The following TANC1 variants were observed in gnomAD, a reference collection of about 807,000 sequenced individuals.
TANC1 encodes the protein tetratricopeptide repeat, ankyrin repeat and coiled-coil containing 1.
Under a neutral mutation model 149.7 loss-of-function variants are expected in TANC1, and 77 were observed. The observed-to-expected ratio is 0.51, with a 90% confidence interval of 0.43 to 0.62. The LOEUF (loss-of-function observed/expected upper bound fraction) is 0.62. Among genes scored for constraint, TANC1 ranks in the 20% least tolerant of loss-of-function variants. The pLI, the probability that TANC1 is intolerant of heterozygous loss-of-function variation, is 0.00. For missense variants in TANC1, 1,985 were observed against 2,321.8 expected (o/e 0.85, Z 2.98); for synonymous variants, 854 against 925.0 (o/e 0.92, Z 1.39).
rs374765619 is a variant in TANC1, at chr2:159,172,155, G to A, written c.1386G>A (p.Pro462=). The part of the protein sequence containing the change: ...SDPTQDLHFT[P]LLSPSSSTSA... The stretch of plus-strand genomic sequence containing the variant: ...CCACTCAGGATCTTCATTTCACTCC[G>A]TTGCTTTCACCGAGTTCTTCCACAA... Residue 462 remains proline, a synonymous_variant, in exon 11 of 27, where the codon CCG becomes CCA. Coordinates refer to ENST00000263635, the MANE Select transcript of TANC1 (RefSeq NM_033394.3). The A allele has an allele frequency of 1.7e-5, 27 of 1,613,946 alleles. 2 individuals are homozygous for A. Among genetic ancestry groups the A allele is most frequent in the South Asian group, 1.1e-4 (10 of 91,074 alleles).
intron 3 of TANC1, 127 bp from the exon 4 acceptor site, chr2:159,097,510 A>T (rs2046258967): frequency 5.3e-6 from 4 of 748,780 alleles, no homozygotes; most frequent in African/African-American, 3.5e-5. Context: ...AAAGTCATTT[A>T]AAAAAATTCA....
At chr2:158,995,725 C>T (rs1465403269) in intron 1 of TANC1, among the ~76,000 whole-genome samples, 1 of 152,226 alleles carries the variant, frequency 6.6e-6, no homozygotes, top group Non-Finnish European at 1.5e-5. Context: ...CTACATTTCT[C>T]AGGATGCTTC....
chr2:159,045,974 A>G (rs1268878166), intron 2 of TANC1, among the ~76,000 whole-genome samples: 1 of 152,246 alleles, frequency 6.6e-6, no homozygotes, highest in East Asian at 1.9e-4. Context: ...GCATTTTACA[A>G]TAGATTTGCG....
At chr2:159,038,003 C>T (rs960526884) in intron 2 of TANC1, among the ~76,000 whole-genome samples, 9 of 152,180 alleles carry the variant, frequency 5.9e-5, no homozygotes, top group Non-Finnish European at 1.2e-4. Context: ...AATGTTCTTC[C>T]ATTTGTTTGT....
At chr2:159,149,339 C>T (rs747458984) in intron 6 of TANC1, 67 bp downstream of exon 6, 17 of 1,602,674 alleles carry the variant, frequency 1.1e-5, no homozygotes, top group Non-Finnish European at 1.4e-5. Context: ...TAACCATCTT[C>T]TCCCTTTCCT....
At chr2:159,153,506 G>A (rs563465021) in intron 7 of TANC1, among the ~76,000 whole-genome samples, 1 of 152,336 alleles carries the variant, frequency 6.6e-6, no homozygotes, top group South Asian at 2.1e-4. Flanking sequence ...ATGAGAGGGA[G>A]GCACTGCTGT....
chr2:159,118,967 A>T (rs2048574025), intron 4 of TANC1, among the ~76,000 whole-genome samples: 1 of 152,152 alleles, frequency 6.6e-6, no homozygotes, highest in African/African-American at 2.4e-5. Flanking sequence ...AAAGTAAAAA[A>T]TCTCTGTAGT....
chr2:159,084,305 C>A lies in TANC1; in HGVS notation c.62-13332C>A, dbSNP rs77688298. ...TTCTTCGTCACTCCTAGCTCCCCCC[C>A]CAATACAGGCCTGGGAAAGACCTTG... On this transcript the variant is annotated intron_variant, in intron 3 of 26. Transcript: ENST00000263635. 6.5e-3 allele frequency among the ~76,000 whole-genome samples: 993 copies of A among 152,170 alleles called. 8 individuals carry two copies. Among genetic ancestry groups the A allele is most frequent in the African/African-American group, 0.012 (482 of 41,512 alleles).
chr2:159,193,394 G>A (rs1293351962), intron 16 of TANC1, among the ~76,000 whole-genome samples: 1 of 152,170 alleles, frequency 6.6e-6, no homozygotes, highest in Non-Finnish European at 1.5e-5. Context: ...TCTACCTGTT[G>A]GCTGTTGTGA....
chr2:159,173,712 G>T (rs1476674532), intron 11 of TANC1, among the ~76,000 whole-genome samples: 1 of 152,216 alleles, frequency 6.6e-6, no homozygotes, highest in Non-Finnish European at 1.5e-5. Flanking sequence ...TCTCATGATG[G>T]TTTGCACAAG....
At chr2:159,136,788 C>A (rs901822097) in intron 5 of TANC1, among the ~76,000 whole-genome samples, 1,144 of 118,918 alleles carry the variant, frequency 9.6e-3, no homozygotes, top group African/African-American at 0.015. Context: ...GAAGTAGGAG[C>A]AAAAAAAAAA....
At chr2:158,998,999 G>A (rs1034843839) in intron 1 of TANC1, among the ~76,000 whole-genome samples, 2 of 152,152 alleles carry the variant, frequency 1.3e-5, no homozygotes, top group Non-Finnish European at 2.9e-5. Context: ...CACAGACTTG[G>A]GGATTTGCCC....
At chr2:158,990,048 T>C (rs1327413348) in intron 1 of TANC1, among the ~76,000 whole-genome samples, 1 of 152,094 alleles carries the variant, frequency 6.6e-6, no homozygotes, top group Non-Finnish European at 1.5e-5. Flanking sequence ...CCTGAGTAGC[T>C]GGGGTTACAG....
chr2:159,116,454 C>CAACAACA lies in TANC1; in HGVS notation c.259+18622_259+18623insCAACAAA, dbSNP rs1553559680. Among the ~76,000 whole-genome samples the CAACAACA allele has an allele frequency of 1.4e-3, 190 of 140,456 alleles. 3 individuals are homozygous for CAACAACA. Among genetic ancestry groups the CAACAACA allele is most frequent in the Non-Finnish European group, 2.1e-3 (136 of 63,388 alleles). 92.1% of individuals were successfully genotyped at this position (140,456 alleles called of 152,430 possible). A position where few individuals can be genotyped will look rare whatever the true frequency, so the allele number is the denominator to read the frequency against. On this transcript the variant is annotated intron_variant, in intron 4 of 26. Transcript: ENST00000263635. Reference sequence around the variant, plus strand: ...AAAACAACAACAACAACAACAACAACAAAAAAAAAAAAACAAAGGACCTGT... The same window carrying CAACAACA: ...AAAACAACAACAACAACAACAACAACAACAACAAAAAAAAAAAAAACAAAGGACCTGT...
chr2:159,117,674 G>A (rs886620161), intron 4 of TANC1, among the ~76,000 whole-genome samples: 6 of 149,112 alleles, frequency 4.0e-5, no homozygotes, highest in Admixed American at 4.0e-4. Context: ...GGGATTACAG[G>A]CGTGAGCCAC....
intron 1 of TANC1, among the ~76,000 whole-genome samples, chr2:158,986,908 T>G (rs980215221): frequency 2.0e-5 from 3 of 152,238 alleles, no homozygotes; most frequent in Admixed American, 6.5e-5. Flanking sequence ...AAGAGATTTC[T>G]AGTGAAGCTT....
chr2:158,999,803 A>G (rs972509996), intron 1 of TANC1, among the ~76,000 whole-genome samples: 1 of 152,170 alleles, frequency 6.6e-6, no homozygotes, highest in Non-Finnish European at 1.5e-5. Context: ...TATTTATTCA[A>G]CACTTACTGG....
intron 3 of TANC1, among the ~76,000 whole-genome samples, chr2:159,096,530 T>C (rs2046156980): frequency 6.6e-6 from 1 of 152,194 alleles, no homozygotes; most frequent in African/African-American, 2.4e-5. Flanking sequence ...GATGGAACAA[T>C]GGCGAGAGCA....
intron 19 of TANC1, among the ~76,000 whole-genome samples, chr2:159,214,547 T>C (rs1293375609): frequency 1.3e-5 from 2 of 152,214 alleles, no homozygotes; most frequent in Admixed American, 1.3e-4. Context: ...ATGAGGACCT[T>C]GGCTCGGCTT....
Sources: allele counts gnomAD v4.1 joint callset (sites outside exome capture counted in the v4.1 genomes callset), GRCh38; gene constraint gnomAD v4.1.1; transcripts MANE v1.5; gene names NCBI Gene and HGNC (gene_info 2026-07-23, HGNC 2026-07-21).